The following GPHN variants were observed in gnomAD, a reference collection of about 807,000 sequenced individuals.
GPHN encodes gephyrin.
Under a neutral mutation model 95.5 loss-of-function variants are expected in GPHN, and 17 were observed. The ratio of observed to expected loss-of-function variants is 0.18; its 90% confidence interval spans 0.12 to 0.27. The LOEUF (loss-of-function observed/expected upper bound fraction) is 0.27. GPHN is among the 10% of genes least tolerant of loss of function. The pLI is 1.00. For missense variants in GPHN, 660 were observed against 978.1 expected (o/e 0.67, Z 4.34); for synonymous variants, 320 against 322.5 (o/e 0.99, Z 0.08).
chr14:66,695,899 T>C (rs963413925), intron 2 of GPHN, among the ~76,000 whole-genome samples: 6 of 152,152 alleles, frequency 3.9e-5, no homozygotes, highest in Non-Finnish European at 8.8e-5. Context: ...TTTAGGGCAG[T>C]AAAACTACTC....
chr14:66,635,247 A>G (rs2064034306), intron 1 of GPHN, among the ~76,000 whole-genome samples: 1 of 152,210 alleles, frequency 6.6e-6, no homozygotes, highest in Non-Finnish European at 1.5e-5. Context: ...TTACACTGCC[A>G]CATTCCATTG....
At chr14:67,224,972 A>T in the GPHN span, 1 of 677,212 alleles carries the variant, frequency 1.5e-6, no homozygotes, top group South Asian at 1.9e-5. Flanking sequence ...AGGTGGTTAG[A>T]ACATAATCTG....
chr14:66,978,507 T>G (rs1363052605), intron 9 of GPHN, among the ~76,000 whole-genome samples: 1 of 152,216 alleles, frequency 6.6e-6, no homozygotes, highest in Non-Finnish European at 1.5e-5. Flanking sequence ...CTTTGTTCCT[T>G]CATAAGAAGA....
Position 66,840,970 on chromosome 14 carries a change from G to GATAGATATAGATATAGAT in GPHN, c.294+16451_294+16468dup, listed in dbSNP as rs55658047. On this transcript the variant is annotated intron_variant, in intron 4 of 22. Coordinates refer to ENST00000478722, the MANE Select transcript of GPHN (RefSeq NM_020806.5). ...TCAAATATGTACTTAAAGCCTACTA[G>GATAGATATAGATATAGAT]ATAGATATAGATATAGATATAGATA... 2.6e-4 allele frequency among the ~76,000 whole-genome samples: 32 copies of GATAGATATAGATATAGAT among 121,372 alleles called. 1 individual carries two copies. The highest frequency in any genetic ancestry group is 2.4e-3 in the East Asian group (10 of 4,226). 79.6% of individuals were successfully genotyped at this position (121,372 alleles called of 152,430 possible). A position where few individuals can be genotyped will look rare whatever the true frequency, so the allele number is the denominator to read the frequency against.
intron 4 of GPHN, among the ~76,000 whole-genome samples, chr14:66,835,935 A>G (rs2061785682): frequency 6.9e-6 from 1 of 144,596 alleles, no homozygotes; most frequent in Admixed American, 7.0e-5. Context: ...GCTCAAGGAA[A>G]TAAAAGAGGA....
chr14:67,225,222 G>T, the GPHN span: 1 of 1,528,802 alleles, frequency 6.5e-7, no homozygotes, highest in South Asian at 1.3e-5. Context: ...AAGTAAAACA[G>T]AAAAAGACAA....
intron 4 of GPHN, among the ~76,000 whole-genome samples, chr14:66,835,946 T>C (rs2061786265): frequency 1.4e-5 from 2 of 143,684 alleles, no homozygotes; most frequent in South Asian, 4.6e-4. Context: ...TAAAAGAGGA[T>C]ACAAACAAAT....
chr14:67,692,297 G>A, the GPHN span: 2 of 805,810 alleles, frequency 2.5e-6, no homozygotes, highest in African/African-American at 1.8e-5. Flanking sequence ...TTGTGTCCCA[G>A]TGACTATGAG....
intron 1 of GPHN, among the ~76,000 whole-genome samples, chr14:66,537,618 T>C (rs1451104586): frequency 1.3e-5 from 2 of 152,208 alleles, no homozygotes; most frequent in African/African-American, 4.8e-5. Flanking sequence ...TTTATATTTA[T>C]CCACATGTGT....
At position 66,545,218 on chromosome 14, in the gene GPHN, C is replaced by A. The variant is rs559058780; in HGVS notation, c.64+36627C>A. 1.9e-3 allele frequency among the ~76,000 whole-genome samples: 283 copies of A among 146,870 alleles called. 3 individuals are homozygous for A. Among genetic ancestry groups the A allele is most frequent in the African/African-American group, 6.7e-3 (266 of 39,454 alleles). ...TGGCCGGGCGGGGGGCTGACCCCCC[C>A]ACCTCCCTCCCGGACGGGGCGGCTG... On this transcript the variant is annotated intron_variant, in intron 1 of 22. Coordinates refer to ENST00000478722, the MANE Select transcript of GPHN (RefSeq NM_020806.5).
chr14:66,664,041 T>C (rs1001842680), intron 1 of GPHN, among the ~76,000 whole-genome samples: 8 of 152,198 alleles, frequency 5.3e-5, no homozygotes, highest in Non-Finnish European at 7.4e-5. Flanking sequence ...TGGGAGACTT[T>C]AACACCGCAC....
chr14:66,618,218 C>T (rs10130016), intron 1 of GPHN, among the ~76,000 whole-genome samples: 50,055 of 151,866 alleles, frequency 0.33, 12,059 homozygotes, highest in African/African-American at 0.66. Flanking sequence ...ACTGTAATGT[C>T]ATAAGCATTT....
the GPHN span, among the ~76,000 whole-genome samples, chr14:67,661,278 C>CCA: frequency 1.8e-5 from 1 of 56,548 alleles, no homozygotes; most frequent in Admixed American, 2.9e-4. Flanking sequence ...AGGGCTAGAG[C>CCA]AAAAAAAAAA....
the GPHN span, chr14:67,574,261 C>A: frequency 6.2e-7 from 1 of 1,606,950 alleles, no homozygotes; most frequent in South Asian, 1.1e-5. The surrounding 1 kb of genome is among the most constrained non-coding windows in gnomAD (Gnocchi z 4.2). Flanking sequence ...GAGAAGAAAA[C>A]CTACTACCTG....
intron 9 of GPHN, among the ~76,000 whole-genome samples, chr14:66,985,181 A>T (rs757349067): frequency 3.9e-5 from 6 of 152,232 alleles, no homozygotes; most frequent in Admixed American, 2.0e-4. Flanking sequence ...AACAACCTCA[A>T]TGCTTGGGTC....
At chr14:67,388,256 A>G in the GPHN span, 32 of 1,613,526 alleles carry the variant, frequency 2.0e-5, no homozygotes, top group Non-Finnish European at 2.5e-5. Flanking sequence ...CAGAGCAGAC[A>G]CGAGTGAACC....
intron 1 of GPHN, among the ~76,000 whole-genome samples, chr14:66,553,584 C>CTT (rs977848927): frequency 2.0e-5 from 3 of 146,674 alleles, no homozygotes; most frequent in East Asian, 2.0e-4. Context: ...AATTATTGTA[C>CTT]TTTTTTTTTT....
chr14:67,174,387 A>G lies in GPHN; in HGVS notation c.2080-5191A>G, dbSNP rs549993922. On this transcript the variant is annotated intron_variant, in intron 21 of 22. Coordinates refer to ENST00000478722, the MANE Select transcript of GPHN (RefSeq NM_020806.5). The stretch of plus-strand genomic sequence containing the variant: ...AGAATGATGGTTTCCAGCTTAATCC[A>G]TGTCCATGCAAAGGACATGAACTCA... Among the ~76,000 whole-genome samples, 11 of 152,264 alleles carry G rather than the reference A, an allele frequency of 7.2e-5. No homozygotes were observed. In the East Asian group the frequency reaches 1.9e-3, roughly 27 times the overall value.
rs185804078 is a variant in GPHN at position 67,101,202 on chromosome 14, T to G, written c.1293+291T>G. ...ATTCTTTTTTTCCTGAAAAAAAAAA[T>G]GTTCTGAATAGAACAATTTCTAGGT... On this transcript the variant is annotated intron_variant, in intron 13 of 22. Coordinates refer to ENST00000478722, the MANE Select transcript of GPHN (RefSeq NM_020806.5). Among the ~76,000 whole-genome samples, 5 of 151,712 alleles carry G rather than the reference T, an allele frequency of 3.3e-5. No individual in the cohort carries two copies. The South Asian group carries it at 1.0e-3, about 32-fold the overall frequency.
Sources: allele counts gnomAD v4.1 joint callset (sites outside exome capture counted in the v4.1 genomes callset), GRCh38; gene constraint gnomAD v4.1.1; non-coding constraint Gnocchi (gnomAD v3.1); transcripts MANE v1.5; gene names NCBI Gene and HGNC (gene_info 2026-07-23, HGNC 2026-07-21).